The following ZNF658 variants were observed in gnomAD, a reference collection of about 807,000 sequenced individuals.
ZNF658 encodes zinc finger protein 658.
In ZNF658, 46 loss-of-function variants were observed where a neutral mutation model predicts 78.0. That is an observed-to-expected ratio of 0.59 (90% CI 0.47 to 0.75). The LOEUF is 0.75. ZNF658 is among the 30% of genes least tolerant of loss of function. ZNF658 has a pLI of 0.00. For missense variants in ZNF658, 785 were observed against 1,189.3 expected, an observed-to-expected ratio of 0.66 and a Z score of 5.00; for synonymous variants, 279 against 408.4, an observed-to-expected ratio of 0.68 and a Z score of 3.82.
intron 2 of ZNF658, among the ~76,000 whole-genome samples, chr9:66,905,855 C>CGTCT (rs1239513937): frequency 1.4e-5 from 2 of 144,088 alleles, no homozygotes; most frequent in African/African-American, 5.3e-5. Flanking sequence ...TTAAAGTCAT[C>CGTCT]GTCTGTTTAA....
At chr9:66,915,443 G>A (rs1205097712) in intron 4 of ZNF658, among the ~76,000 whole-genome samples, 3 of 150,678 alleles carry the variant, frequency 2.0e-5, no homozygotes, top group Non-Finnish European at 4.4e-5. Flanking sequence ...ACAAAACGGT[G>A]TCAGAGCTAG....
chr9:66,914,387 A>G (rs931870865), intron 4 of ZNF658, among the ~76,000 whole-genome samples: 30 of 152,022 alleles, frequency 2.0e-4, no homozygotes, highest in African/African-American at 7.2e-4. Flanking sequence ...TTATTAGTTC[A>G]AGGAACTTTT....
chr9:66,914,683 TAGG>T (rs1822292191), intron 4 of ZNF658, among the ~76,000 whole-genome samples: 3 of 152,166 alleles, frequency 2.0e-5, no homozygotes, highest in Non-Finnish European at 4.4e-5. Context: ...AGACTAATGA[TAGG>T]AGATTACATT....
chr9:66,918,801 A>G lies in ZNF658; in HGVS notation c.1235A>G (p.Tyr412Cys), dbSNP rs771939441. 9.3e-6 allele frequency: 15 copies of G among 1,613,716 alleles called. No individual in the cohort carries two copies. In the East Asian group the frequency reaches 2.2e-4, roughly 24 times the overall value. The stretch of plus-strand genomic sequence containing the variant: ...AGGCCCCACTCAGGAGAGAAAACTT[A>G]CCAATATGAGGAATGTGCAAAATCC... ...HQRPHSGEKT[Y>C]QYEECAKSFC... is the part of the protein sequence containing the mutation. The change falls in exon 5 of 5, where the codon TAC becomes TGC. Residue 412 changes from tyrosine (Y) to cysteine (C), a missense_variant. Physicochemically the swap from Tyr to Cys is radical, Grantham distance 194. Coordinates refer to ENST00000621410, the MANE Select transcript of ZNF658 (RefSeq NM_033160.7).
chr9:66,908,460 T>C (rs1822133621), intron 3 of ZNF658, 96 bp downstream of exon 3: 2 of 1,565,238 alleles, frequency 1.3e-6, no homozygotes, highest in Admixed American at 4.0e-5. Context: ...TAAAGGGCTT[T>C]GGATTAAAAG....
At position 66,918,852 on chromosome 9, in the gene ZNF658, A is replaced by G; in HGVS notation, c.1286A>G (p.Gln429Arg). The change falls in exon 5 of 5, where the codon CAG becomes CGG. Residue 429 changes from glutamine to arginine, a missense_variant. Around this residue, in one of 12 missense-constraint regions of ZNF658, gnomAD observed 393 missense variants for 400.2 expected, o/e 0.98. Coordinates refer to ENST00000621410, the MANE Select transcript of ZNF658 (RefSeq NM_033160.7). ...KSFCSSSHPI[Q>R]HPGTYVGFKL... ...TTTTGTTCAAGTTCACATCCTATTC[A>G]GCATCCTGGAACTTATGTGGGATTC... 1 of 1,605,170 alleles carries G rather than the reference A, an allele frequency of 6.2e-7. No homozygotes were observed. The highest frequency in any genetic ancestry group is 8.5e-7 in the Non-Finnish European group (1 of 1,173,358).
intron 2 of ZNF658, 62 bp from the exon 3 acceptor site, chr9:66,908,176 C>T (rs939135538): frequency 6.2e-7 from 1 of 1,612,122 alleles, no homozygotes; most frequent in African/African-American, 1.3e-5. Context: ...TTTTCTGTGT[C>T]ACCCAATTCT....
intron 2 of ZNF658, among the ~76,000 whole-genome samples, chr9:66,904,734 C>T (rs1822033834): frequency 6.6e-6 from 1 of 152,164 alleles, no homozygotes; most frequent in Non-Finnish European, 1.5e-5. Flanking sequence ...ACCTACTCCT[C>T]TATCTCCATA....
In ZNF658 at chr9:66,918,244, T is replaced by C; in HGVS notation, c.678T>C (p.Asp226=). ...ATGGATCTGGACAAGGTTTATATGA[T>C]AAGACAATTTGTATTACACCTCAGA... ...ECDGSGQGLY[D]KTICITPQSF... The change falls in exon 5 of 5, where the codon GAT becomes GAC. Residue 226 remains aspartate (D), a synonymous_variant. Transcript: ENST00000621410. 6.2e-7 allele frequency: 1 copy of C among 1,605,832 alleles called. No homozygotes were observed. Among genetic ancestry groups the C allele is most frequent in the Admixed American group, 1.7e-5 (1 of 58,082 alleles).
chr9:66,908,767 G>T, intron 4 of ZNF658, 33 bp downstream of exon 4: 1 of 1,602,402 alleles, frequency 6.2e-7, no homozygotes, highest in African/African-American at 1.3e-5. Context: ...AGCCCCCTGG[G>T]GGTACTTAGT....
chr9:66,931,440 C>T (rs544342568), intron 6 of ZNF658, among the ~76,000 whole-genome samples: 118 of 152,188 alleles, frequency 7.8e-4, no homozygotes, highest in African/African-American at 2.8e-3. Context: ...CATGCTTAGC[C>T]TCTCTGTAAG....
intron 3 of ZNF658, 102 bp downstream of exon 3, chr9:66,908,466 A>T: frequency 6.4e-7 from 1 of 1,553,736 alleles, no homozygotes; most frequent in Non-Finnish European, 8.7e-7. Context: ...GCTTTGGATT[A>T]AAAGGTTTGA....
intron 4 of ZNF658, among the ~76,000 whole-genome samples, chr9:66,913,740 G>T (rs546180183): frequency 6.8e-6 from 1 of 147,678 alleles, no homozygotes; most frequent in South Asian, 2.2e-4. Context: ...AATCCATTTT[G>T]TGTTAAATTC....
chr9:66,908,924 A>C (rs952571426), intron 4 of ZNF658, among the ~76,000 whole-genome samples, 190 bp downstream of exon 4: 3 of 152,192 alleles, frequency 2.0e-5, no homozygotes, highest in Non-Finnish European at 4.4e-5. Context: ...GAAATATTGC[A>C]CTTTCATTCA....
chr9:66,915,088 C>CACAT (rs1270860600), intron 4 of ZNF658, among the ~76,000 whole-genome samples: 1 of 113,498 alleles, frequency 8.8e-6, no homozygotes, highest in Non-Finnish European at 1.9e-5. Context: ...CACACACACA[C>CACAT]ACACATACAC....
At chr9:66,928,642 G>C (rs937740777) in intron 6 of ZNF658, among the ~76,000 whole-genome samples, 8 of 151,722 alleles carry the variant, frequency 5.3e-5, no homozygotes, top group African/African-American at 1.9e-4. Context: ...CACGAGGTCA[G>C]GAGATGGAGA....
intron 4 of ZNF658, among the ~76,000 whole-genome samples, chr9:66,910,874 A>G (rs1822200965): frequency 1.3e-5 from 2 of 151,228 alleles, no homozygotes; most frequent in South Asian, 4.2e-4. Context: ...CATGTTCTAT[A>G]TCATTCAGAT....
chr9:66,905,068 C>CTTTTTTTTTTTTTTTTTTTTTTTTTT (rs1165611922), intron 2 of ZNF658, among the ~76,000 whole-genome samples: 13 of 31,766 alleles, frequency 4.1e-4, no homozygotes, highest in African/African-American at 9.2e-4. Context: ...TTTTTCTTTT[C>CTTTTTTTTTTTTTTTTTTTTTTTTTT]TTTTTTTTTT....
rs1030291395 is a variant in ZNF658 at position 66,918,295 on chromosome 9, T to A, written c.729T>A (p.Cys243Ter). The A allele has an allele frequency of 1.9e-6, 3 of 1,613,742 alleles. No individual in the cohort carries two copies. In the African/African-American group the frequency reaches 4.0e-5, roughly 22 times the overall value. ...PQSFLTGEKSCKDDEFRKNFD... is the reference protein window; with the variant it reads ...PQSFLTGEKS ...GTTTTCTAACAGGAGAAAAGTCCTG[T>A]AAGGATGATGAATTTAGAAAAAACT... Residue 243 changes from cysteine to a stop codon, truncating the protein, a stop_gained, in exon 5 of 5, where the codon TGT becomes TGA. Coordinates refer to ENST00000621410, the MANE Select transcript of ZNF658 (RefSeq NM_033160.7). LOFTEE classifies it high-confidence loss of function.
Sources: gnomAD v4.1 joint callset for allele counts (sites outside exome capture counted in the v4.1 genomes callset) on GRCh38, gnomAD v4.1.1 for gene constraint, gnomAD v4.1.1 regional missense constraint, MANE v1.5 for transcripts, NCBI Gene and HGNC (gene_info 2026-07-23, HGNC 2026-07-21) for gene names.